The following SHISAL1 variants were observed in gnomAD, a reference collection of about 807,000 sequenced individuals.
SHISAL1 encodes the protein shisa like 1.
Under a neutral mutation model 22.6 loss-of-function variants are expected in SHISAL1, and 9 were observed. That is an observed-to-expected ratio of 0.40 (90% CI 0.24 to 0.70). The LOEUF is 0.70. Among genes scored for constraint, SHISAL1 ranks in the 30% least tolerant of loss-of-function variants. The pLI, the probability that SHISAL1 is intolerant of heterozygous loss-of-function variation, is 0.39. For missense variants in SHISAL1, 246 were observed against 270.6 expected (o/e 0.91, Z 0.64); for synonymous variants, 119 against 115.4 (o/e 1.03, Z -0.20).
upstream of SHISAL1, among the ~76,000 whole-genome samples, chr22:44,317,103 C>G (rs1397925333): frequency 6.6e-6 from 1 of 152,226 alleles, no homozygotes. Flanking sequence ...CCATCGTCGG[C>G]TGGAGGGCCC....
the SHISAL1 span, among the ~76,000 whole-genome samples, chr22:44,319,585 G>A: frequency 2.0e-5 from 3 of 152,172 alleles, no homozygotes; most frequent in African/African-American, 4.8e-5. Flanking sequence ...CACTCACGAT[G>A]TCCCGGCAGA....
At chr22:44,272,056 CCCGGGGCAGGATTATAGGAGCCA>C (rs1236450411) in intron 4 of SHISAL1, among the ~76,000 whole-genome samples, 1 of 152,130 alleles carries the variant, frequency 6.6e-6, no homozygotes, top group Non-Finnish European at 1.5e-5. Context: ...GTGGGTCTCT[CCCGGGGCAGGATTATAGGAGCCA>C]CCTCTGAGGA....
rs188381755 is a variant in SHISAL1 at position 44,285,750 on chromosome 22, G to C, written c.282-5C>G. On this transcript the variant is annotated splice_region_variant and splice_polypyrimidine_tract_variant and intron_variant, in intron 3 of 4. Coordinates refer to ENST00000381176, the MANE Select transcript of SHISAL1 (RefSeq NM_001099294.2). ...CCCAACAAGGCGGTGTAATTGCTGC[G>C]AACAAACAGAGAGGGAGTGAGCAAG... 1.9e-6 allele frequency: 3 copies of C among 1,605,482 alleles called. No homozygotes were observed. Among genetic ancestry groups the C allele is most frequent in the South Asian group, 1.1e-5 (1 of 90,250 alleles).
intron 4 of SHISAL1, among the ~76,000 whole-genome samples, chr22:44,279,690 G>A (rs1013814725): frequency 1.3e-5 from 2 of 152,200 alleles, no homozygotes; most frequent in Admixed American, 1.3e-4. Context: ...AGGAACTCTG[G>A]ACATCCCCCC....
In SHISAL1 at chr22:44,249,592, C is replaced by G. The variant is rs1225793036; in HGVS notation, c.*93G>C. The G allele has an allele frequency of 1.3e-6, 1 of 763,168 alleles. No individual in the cohort carries two copies. The highest frequency in any genetic ancestry group is 1.7e-5 in the African/African-American group (1 of 57,790). The allele number at this position is 763,168 out of a possible 1,614,324, so 47.3% of individuals were successfully genotyped here. ...GTGCCACCGCCGCTACCTCGGCTGT[C>G]CCTGGCATCTCTGTAGAAGTTGTTC... On this transcript the variant is annotated 3_prime_UTR_variant, in exon 5 of 5. Coordinates refer to ENST00000381176, the MANE Select transcript of SHISAL1 (RefSeq NM_001099294.2).
rs574405546 is a variant in SHISAL1 at position 44,244,187 on chromosome 22, C to T, written c.*5498G>A. On this transcript the variant is annotated 3_prime_UTR_variant, in exon 5 of 5. Coordinates refer to ENST00000381176, the MANE Select transcript of SHISAL1 (RefSeq NM_001099294.2). ...CTCTCTTGGGCCACCAGCTTGGTTC[C>T]AGCTGTGGCCAGGGTGGCCATATCA... 1 of 152,318 alleles carries T rather than the reference C, an allele frequency of 6.6e-6. No homozygotes were observed. The highest frequency in any genetic ancestry group is 2.1e-4 in the South Asian group (1 of 4,820). 9.4% of individuals were successfully genotyped at this position (152,318 alleles called of 1,614,324 possible).
intron 4 of SHISAL1, among the ~76,000 whole-genome samples, chr22:44,267,216 G>A (rs1249620755): frequency 6.6e-6 from 1 of 152,042 alleles, no homozygotes; most frequent in African/African-American, 2.4e-5. Flanking sequence ...ATTTGCCCTG[G>A]AGTTCTTCCT....
chr22:44,302,983 C>A (rs2055442799), intron 1 of SHISAL1, among the ~76,000 whole-genome samples: 2 of 152,064 alleles, frequency 1.3e-5, no homozygotes. Context: ...CCACTAGAGA[C>A]AGGGCTTTGG....
chr22:44,316,034 C>T (rs538936768), upstream of SHISAL1, among the ~76,000 whole-genome samples: 1 of 152,328 alleles, frequency 6.6e-6, no homozygotes, highest in South Asian at 2.1e-4. Context: ...CAAGTGCTCT[C>T]TGCAGTGCCC....
chr22:44,325,772 G>T, the SHISAL1 span, among the ~76,000 whole-genome samples: 1 of 152,022 alleles, frequency 6.6e-6, no homozygotes, highest in Non-Finnish European at 1.5e-5. Flanking sequence ...CAGCCAGGTT[G>T]TCACAAAGGA....
chr22:44,275,417 G>C (rs940169824), intron 4 of SHISAL1, among the ~76,000 whole-genome samples: 1 of 152,184 alleles, frequency 6.6e-6, no homozygotes, highest in South Asian at 2.1e-4. Context: ...GCTGAGTTTC[G>C]GGAAGCTCCT....
At chr22:44,284,168 T>C (rs2055295207) in intron 4 of SHISAL1, among the ~76,000 whole-genome samples, 1 of 152,104 alleles carries the variant, frequency 6.6e-6, no homozygotes, top group African/African-American at 2.4e-5. Flanking sequence ...AATTATTTAA[T>C]AATAATTGAA....
At chr22:44,326,621 T>C in the SHISAL1 span, among the ~76,000 whole-genome samples, 1 of 152,192 alleles carries the variant, frequency 6.6e-6, no homozygotes, top group Non-Finnish European at 1.5e-5. Flanking sequence ...TCTTAATTTC[T>C]GGAGGCAGCC....
At chr22:44,269,249 A>G (rs536029209) in intron 4 of SHISAL1, among the ~76,000 whole-genome samples, 1 of 150,616 alleles carries the variant, frequency 6.6e-6, no homozygotes, top group East Asian at 2.0e-4. Context: ...CACAATATAT[A>G]CACACACGCC....
the SHISAL1 span, among the ~76,000 whole-genome samples, chr22:44,321,477 C>A: frequency 1.6e-5 from 2 of 124,620 alleles, no homozygotes; most frequent in African/African-American, 7.9e-5. Context: ...AGCCCCTTTC[C>A]TACTGGCAGA....
intron 4 of SHISAL1, among the ~76,000 whole-genome samples, chr22:44,282,416 T>C (rs1265497371): frequency 6.6e-6 from 1 of 152,224 alleles, no homozygotes; most frequent in Non-Finnish European, 1.5e-5. Flanking sequence ...CTCCTGTCTC[T>C]GTCCCCCCTG....
intron 3 of SHISAL1, 53 bp downstream of exon 3, chr22:44,296,619 C>A: frequency 1.9e-6 from 3 of 1,550,620 alleles, no homozygotes; most frequent in Non-Finnish European, 1.8e-6. Flanking sequence ...GGGAGGCAGG[C>A]CCCTTGCCTG....
At chr22:44,298,520 G>A (rs1042422448) in intron 2 of SHISAL1, among the ~76,000 whole-genome samples, 4 of 152,216 alleles carry the variant, frequency 2.6e-5, no homozygotes, top group South Asian at 2.1e-4. Context: ...AGCCAGTTCC[G>A]GTCACTGTCT....
At position 44,248,471 on chromosome 22, in the gene SHISAL1, G is replaced by C. The variant is rs1169767889; in HGVS notation, c.*1214C>G. ...GGTGTCCCAGGGCAGCGGGGCAGGAGTGGGGGTGATTAGCTCGGTGGGTGG... is the reference window on the plus strand; with the variant it reads ...GGTGTCCCAGGGCAGCGGGGCAGGACTGGGGGTGATTAGCTCGGTGGGTGG... On this transcript the variant is annotated 3_prime_UTR_variant, in exon 5 of 5. Coordinates refer to ENST00000381176, the MANE Select transcript of SHISAL1 (RefSeq NM_001099294.2). 1 of 151,246 alleles carries C rather than the reference G, an allele frequency of 6.6e-6. No homozygotes were observed. Among genetic ancestry groups the C allele is most frequent in the Non-Finnish European group, 1.5e-5 (1 of 68,086 alleles). 9.4% of individuals were successfully genotyped at this position (151,246 alleles called of 1,614,324 possible). A position where few individuals can be genotyped will look rare whatever the true frequency, so the allele number is the denominator to read the frequency against.
Sources: gnomAD v4.1 joint callset for allele counts (sites outside exome capture counted in the v4.1 genomes callset) on GRCh38, gnomAD v4.1.1 for gene constraint, MANE v1.5 for transcripts, NCBI Gene and HGNC (gene_info 2026-07-23, HGNC 2026-07-21) for gene names.